The following RPA1 variants were observed in gnomAD, a reference collection of about 807,000 sequenced individuals.
RPA1 encodes replication protein A 70 kDa DNA-binding subunit.
Under a neutral mutation model 83.0 loss-of-function variants are expected in RPA1, and 49 were observed. The ratio of observed to expected loss-of-function variants is 0.59; its 90% CI spans 0.47 to 0.75. The LOEUF (loss-of-function observed/expected upper bound fraction) is 0.75. RPA1 is among the 30% of genes least tolerant of loss of function. The probability of loss-of-function intolerance (pLI) is 0.00; values close to 1 mark genes in which losing one functional copy is unlikely to be tolerated. For synonymous variants in RPA1, 279 were observed against 281.8 expected, an observed-to-expected ratio of 0.99 and a Z score of 0.10; for missense variants, 693 against 776.1, an observed-to-expected ratio of 0.89 and a Z score of 1.27.
chr17:1,835,672 G>A (rs1336797475), intron 1 of RPA1, among the ~76,000 whole-genome samples: 1 of 152,008 alleles, frequency 6.6e-6, no homozygotes, highest in Non-Finnish European at 1.5e-5. Flanking sequence ...CTCAAACTAG[G>A]TCTTGTTCAG....
At chr17:1,860,499 C>T (rs1912911226) in intron 5 of RPA1, among the ~76,000 whole-genome samples, 1 of 152,290 alleles carries the variant, frequency 6.6e-6, no homozygotes, top group African/African-American at 2.4e-5. Context: ...GTTTCTCAGG[C>T]AGTGCCTAAT....
intron 1 of RPA1, among the ~76,000 whole-genome samples, chr17:1,833,779 G>A (rs1286327324): frequency 2.0e-5 from 3 of 151,846 alleles, no homozygotes; most frequent in Admixed American, 6.6e-5. Context: ...TCTTGAACCC[G>A]GGAGATAGAG....
intron 14 of RPA1, among the ~76,000 whole-genome samples, chr17:1,890,145 T>G (rs1009671537): frequency 4.0e-5 from 6 of 151,362 alleles, no homozygotes; most frequent in Admixed American, 1.3e-4. Flanking sequence ...TGAGGCAGGA[T>G]GATTGCTTGA....
chr17:1,877,290 C>G lies in RPA1; in HGVS notation c.666C>G (p.Phe222Leu), dbSNP rs755486139. ...WSNSRGEGKL[F>L]SLELVDESGE... ...ACTCCCGAGGGGAAGGGAAGCTTTTCTCCCTAGAACTGGTTGACGAAAGTG... is the reference window on the plus strand; with the variant it reads ...ACTCCCGAGGGGAAGGGAAGCTTTTGTCCCTAGAACTGGTTGACGAAAGTG... The change falls in exon 8 of 17, where the codon TTC becomes TTG. Residue 222 changes from phenylalanine to leucine, a missense_variant. Phe to Leu is a conservative substitution (Grantham distance 22, BLOSUM62 0). Transcript: ENST00000254719. The G allele has an allele frequency of 6.2e-7, 1 of 1,614,144 alleles. No individual in the cohort carries two copies. Among genetic ancestry groups the G allele is most frequent in the Non-Finnish European group, 8.5e-7 (1 of 1,180,026 alleles).
chr17:1,839,355 C>T (rs893423460), intron 1 of RPA1, among the ~76,000 whole-genome samples: 2 of 151,480 alleles, frequency 1.3e-5, no homozygotes, highest in African/African-American at 4.9e-5. Context: ...GAGATGGAGT[C>T]TAGCTCTGTC....
Position 1,880,544 on chromosome 17 carries a change from CT to C in RPA1, c.1095del (p.Asp366IlefsTer57). On this transcript the variant is annotated frameshift_variant and splice_region_variant, in exon 12 of 17. Transcript: ENST00000254719. LOFTEE classifies it high-confidence loss of function. ...ATATGTCTGGTGTTTCTTTTACAGG[CT>C]GATAAATTTGATGGTTCTAGACAGC... is the stretch of plus-strand genomic sequence containing the variant. ...VVTATLWGED[A>X]DKFDGSRQPV... The C allele has an allele frequency of 6.2e-7, 1 of 1,613,256 alleles. No individual in the cohort carries two copies. The highest frequency in any genetic ancestry group is 1.1e-5 in the South Asian group (1 of 91,032).
intron 5 of RPA1, among the ~76,000 whole-genome samples, chr17:1,861,885 C>G (rs1285434122): frequency 1.3e-5 from 2 of 151,926 alleles, no homozygotes; most frequent in East Asian, 3.9e-4. Context: ...CCACTGCACC[C>G]TGCTAATTTT....
chr17:1,887,700 C>T (rs1317599654), intron 13 of RPA1, among the ~76,000 whole-genome samples: 1 of 151,822 alleles, frequency 6.6e-6, no homozygotes, highest in Admixed American at 6.6e-5. Context: ...CCAGCCTACC[C>T]AACATGGCAA....
intron 5 of RPA1, among the ~76,000 whole-genome samples, chr17:1,869,237 T>C (rs1487170773): frequency 1.3e-5 from 2 of 152,164 alleles, no homozygotes; most frequent in African/African-American, 4.8e-5. Flanking sequence ...AAGAGTCTGC[T>C]CTGAAATATC....
chr17:1,856,638 ATTTATTTAATTTTTATT>A (rs1912709967), intron 5 of RPA1, among the ~76,000 whole-genome samples: 1 of 151,378 alleles, frequency 6.6e-6, no homozygotes, highest in South Asian at 2.1e-4. Flanking sequence ...GTTTTTATTT[ATTTATTTAATTTTTATT>A]TTTATTTAAT....
chr17:1,835,957 T>C (rs1911802183), intron 1 of RPA1, among the ~76,000 whole-genome samples: 1 of 152,040 alleles, frequency 6.6e-6, no homozygotes, highest in African/African-American at 2.4e-5. Context: ...CAAGATCCTG[T>C]CTCTATTTCA....
intron 7 of RPA1, 129 bp from the exon 8 acceptor site, chr17:1,877,083 T>C (rs1913599050): frequency 7.6e-6 from 6 of 789,634 alleles, no homozygotes; most frequent in Non-Finnish European, 1.3e-5. Context: ...GGGTTTTAAT[T>C]AGCTGGATTA....
At chr17:1,831,198 T>C (rs1911557969) in intron 1 of RPA1, among the ~76,000 whole-genome samples, 1 of 152,328 alleles carries the variant, frequency 6.6e-6, no homozygotes, top group South Asian at 2.1e-4. Flanking sequence ...GGGTTTTAAG[T>C]TCAGTATACG....
chr17:1,880,832 T>C, intron 12 of RPA1, 141 bp downstream of exon 12: 1 of 1,166,348 alleles, frequency 8.6e-7, no homozygotes, highest in Non-Finnish European at 1.2e-6. Flanking sequence ...GAAGGCATTA[T>C]GCCTTCTGTG....
chr17:1,858,222 C>T, intron 5 of RPA1: 2 of 1,613,846 alleles, frequency 1.2e-6, no homozygotes, highest in African/African-American at 1.3e-5. Flanking sequence ...TCAGTGCTGG[C>T]CCCAGACACA....
chr17:1,865,309 C>T (rs1913136392), intron 5 of RPA1, among the ~76,000 whole-genome samples: 1 of 152,122 alleles, frequency 6.6e-6, no homozygotes, highest in Admixed American at 6.5e-5. Context: ...ACCTTCATAC[C>T]AAAGTTTTTG....
chr17:1,838,046 C>T (rs1911888223), intron 1 of RPA1, among the ~76,000 whole-genome samples: 1 of 152,028 alleles, frequency 6.6e-6, no homozygotes, highest in African/African-American at 2.4e-5. Flanking sequence ...AATCCCAGCA[C>T]TTTGGGAGGC....
At position 1,858,404 on chromosome 17, in the gene RPA1, G is replaced by A. The variant is rs373192259; in HGVS notation, c.361+5215G>A. 122 of 1,587,398 alleles carry A rather than the reference G, an allele frequency of 7.7e-5. 1 individual carries two copies. Among genetic ancestry groups the A allele is most frequent in the East Asian group, 6.7e-4 (30 of 44,784 alleles). On this transcript the variant is annotated intron_variant, in intron 5 of 16. Coordinates refer to ENST00000254719, the MANE Select transcript of RPA1 (RefSeq NM_002945.5). Reference sequence around the variant, plus strand: ...CAGAGCTGAGGGCTAAAGTGGGCTCGGAGGCAATGACGACCAACGTGTCTC... The same window carrying A: ...CAGAGCTGAGGGCTAAAGTGGGCTCAGAGGCAATGACGACCAACGTGTCTC...
intron 5 of RPA1, among the ~76,000 whole-genome samples, chr17:1,853,970 T>A (rs1912595545): frequency 6.6e-6 from 1 of 152,194 alleles, no homozygotes; most frequent in African/African-American, 2.4e-5. Flanking sequence ...GTGCCTAACT[T>A]GAGGCTGGCG....
Sources: gnomAD v4.1 joint callset for allele counts (sites outside exome capture counted in the v4.1 genomes callset) on GRCh38, gnomAD v4.1.1 for gene constraint, MANE v1.5 for transcripts, NCBI Gene and HGNC (gene_info 2026-07-23, HGNC 2026-07-21) for gene names.